SND1: variants seen among roughly 807,000 people sequenced by gnomAD.
SND1 encodes the protein staphylococcal nuclease domain-containing protein 1.
In SND1, 38 loss-of-function variants were observed where a neutral mutation model predicts 121.7. That is an observed-to-expected ratio of 0.31 (90% CI 0.24 to 0.41). The LOEUF (loss-of-function observed/expected upper bound fraction) is 0.41, where lower values mean the gene tolerates loss of function less well. SND1 is among the 10% of genes least tolerant of loss of function. The pLI, the probability that SND1 is intolerant of heterozygous loss-of-function variation, is 1.00. For missense variants in SND1, 868 were observed against 1,184.6 expected (o/e 0.73, Z 3.92); for synonymous variants, 401 against 447.4 (o/e 0.90, Z 1.31).
chr7:127,982,500 A>G (rs1435653782), intron 15 of SND1, among the ~76,000 whole-genome samples: 1 of 152,230 alleles, frequency 6.6e-6, no homozygotes, highest in Non-Finnish European at 1.5e-5. Context: ...TAGCAGTGAC[A>G]TGTTCCAAAA....
intron 10 of SND1, among the ~76,000 whole-genome samples, chr7:127,791,024 G>A (rs1273027038): frequency 6.6e-6 from 1 of 152,018 alleles, no homozygotes; most frequent in Non-Finnish European, 1.5e-5. Context: ...CCAAAGATCA[G>A]GGTTTTATAC....
At chr7:128,040,802 G>A (rs977559964) in intron 16 of SND1, among the ~76,000 whole-genome samples, 12 of 152,198 alleles carry the variant, frequency 7.9e-5, no homozygotes, top group African/African-American at 1.4e-4. Flanking sequence ...CCACATTGGC[G>A]CTGCCTCCTC....
chr7:127,865,957 T>C (rs1300714036), intron 12 of SND1, among the ~76,000 whole-genome samples: 1 of 151,982 alleles, frequency 6.6e-6, no homozygotes, highest in Non-Finnish European at 1.5e-5. Flanking sequence ...CATTTCCATT[T>C]GTATCATCTT....
intron 16 of SND1, among the ~76,000 whole-genome samples, chr7:128,023,339 G>T (rs1803400657): frequency 6.6e-6 from 1 of 152,108 alleles, no homozygotes; most frequent in African/African-American, 2.4e-5. Context: ...GGTCAGGGAG[G>T]ATTTCATCAC....
chr7:127,895,372 C>G (rs1163808945), intron 13 of SND1, among the ~76,000 whole-genome samples: 9 of 152,210 alleles, frequency 5.9e-5, no homozygotes, highest in African/African-American at 1.9e-4. Context: ...TACGACTGCC[C>G]TCTTCACCCT....
rs544002071 is a variant in SND1 at position 128,018,951 on chromosome 7, A to G, written c.1779+27895A>G. 9.8e-5 allele frequency among the ~76,000 whole-genome samples: 15 copies of G among 152,300 alleles called. 1 individual carries two copies. The South Asian group carries it at 3.1e-3, about 32-fold the overall frequency. Reference sequence around the variant, plus strand: ...CTGTACTTCTGTCCTGGAAATGACCAGTATTTAGGGACCTGAAATTGAATC... The same window carrying G: ...CTGTACTTCTGTCCTGGAAATGACCGGTATTTAGGGACCTGAAATTGAATC... On this transcript the variant is annotated intron_variant, in intron 16 of 23. Transcript: ENST00000354725.
chr7:127,881,950 T>C (rs1287874732), intron 12 of SND1, among the ~76,000 whole-genome samples: 1 of 152,108 alleles, frequency 6.6e-6, no homozygotes, highest in African/African-American at 2.4e-5. Context: ...AACAATTCAT[T>C]CTTAAAGCAG....
chr7:127,710,699 A>G (rs950521010), intron 9 of SND1, among the ~76,000 whole-genome samples: 31 of 152,202 alleles, frequency 2.0e-4, no homozygotes, highest in Non-Finnish European at 1.9e-4. Context: ...ACTCTTGGCT[A>G]ATTCATCCCT....
intron 10 of SND1, among the ~76,000 whole-genome samples, chr7:127,785,905 TGTTTATTTA>T (rs1455988530): frequency 3.5e-4 from 54 of 152,314 alleles, no homozygotes; most frequent in African/African-American, 1.2e-3. Context: ...CTATGCTGCA[TGTTTATTTA>T]GTCCTGGTTC....
chr7:128,012,800 T>G (rs1299198216), intron 16 of SND1, among the ~76,000 whole-genome samples: 1 of 152,150 alleles, frequency 6.6e-6, no homozygotes, highest in African/African-American at 2.4e-5. Context: ...AGGCTGCTAG[T>G]TCTTCTTTCT....
chr7:128,016,745 C>G (rs894073305), intron 16 of SND1, among the ~76,000 whole-genome samples: 9 of 152,236 alleles, frequency 5.9e-5, no homozygotes, highest in African/African-American at 2.2e-4. Flanking sequence ...CTAACTGCCC[C>G]TACCCTCCTT....
chr7:127,654,353 A>G (rs1340773082), intron 1 of SND1, among the ~76,000 whole-genome samples: 4 of 152,200 alleles, frequency 2.6e-5, no homozygotes, highest in Admixed American at 2.6e-4. Context: ...TGAGGTTTAG[A>G]AAGAATAGTT....
At chr7:128,043,855 TAC>T (rs1792899611) in intron 16 of SND1, among the ~76,000 whole-genome samples, 4 of 49,200 alleles carry the variant, frequency 8.1e-5, no homozygotes, top group African/African-American at 6.5e-4. Context: ...TGTATATATA[TAC>T]ACATATACAC....
At chr7:128,011,041 T>C (rs1028016220) in intron 16 of SND1, among the ~76,000 whole-genome samples, 10 of 152,048 alleles carry the variant, frequency 6.6e-5, no homozygotes, top group African/African-American at 2.4e-4. Context: ...ATAAGTAAAA[T>C]TGAAGACTGT....
chr7:127,692,770 C>T (rs1213163949), intron 2 of SND1, among the ~76,000 whole-genome samples: 7 of 152,220 alleles, frequency 4.6e-5, no homozygotes, highest in South Asian at 4.1e-4. Flanking sequence ...TTTTCTTACA[C>T]GGTTAGGCAT....
chr7:127,915,642 T>C (rs1800558442), intron 14 of SND1, among the ~76,000 whole-genome samples: 1 of 152,210 alleles, frequency 6.6e-6, no homozygotes, highest in African/African-American at 2.4e-5. Flanking sequence ...GTTATATAAT[T>C]ACAATTGTAA....
chr7:127,943,961 C>A (rs752795266), intron 15 of SND1, among the ~76,000 whole-genome samples: 6 of 152,186 alleles, frequency 3.9e-5, no homozygotes, highest in Non-Finnish European at 5.9e-5. Context: ...CAGAGGAGGG[C>A]GGATGTGGCT....
chr7:127,795,638 G>C (rs1238466188), intron 10 of SND1, among the ~76,000 whole-genome samples: 1 of 152,106 alleles, frequency 6.6e-6, no homozygotes, highest in Non-Finnish European at 1.5e-5. Context: ...TGTCAAACTT[G>C]TAGGTGTAGA....
intron 1 of SND1, among the ~76,000 whole-genome samples, chr7:127,661,143 G>A (rs147318130): frequency 1.7e-4 from 26 of 152,280 alleles, no homozygotes; most frequent in South Asian, 1.0e-3. Flanking sequence ...TTCTCTTCGC[G>A]TTTGTCTTGA....
Sources: allele counts gnomAD v4.1 joint callset (sites outside exome capture counted in the v4.1 genomes callset), GRCh38; gene constraint gnomAD v4.1.1; transcripts MANE v1.5; gene names NCBI Gene and HGNC (gene_info 2026-07-23, HGNC 2026-07-21).